The following LRFN2 variants were observed in gnomAD, a reference collection of about 807,000 sequenced individuals.
LRFN2 encodes leucine-rich repeat and fibronectin type-III domain-containing protein 2.
In LRFN2, 18 loss-of-function variants were observed where a neutral mutation model predicts 37.3. That is an observed-to-expected ratio of 0.48 (90% CI 0.33 to 0.72). LRFN2 has a LOEUF of 0.72. Among genes scored for constraint, LRFN2 ranks in the 30% least tolerant of loss-of-function variants. The pLI is 0.02. For missense variants in LRFN2, 1,006 were observed against 1,060.7 expected (o/e 0.95, Z 0.72); for synonymous variants, 556 against 466.6 (o/e 1.19, Z -2.47).
intron 1 of LRFN2, among the ~76,000 whole-genome samples, chr6:40,458,799 A>C (rs1326143455): frequency 6.6e-6 from 1 of 152,208 alleles, no homozygotes; most frequent in African/African-American, 2.4e-5. Flanking sequence ...CCAGCCACCC[A>C]GCCCCAACAA....
intron 1 of LRFN2, among the ~76,000 whole-genome samples, chr6:40,487,960 T>C (rs1469399518): frequency 6.6e-6 from 1 of 152,088 alleles, no homozygotes; most frequent in Non-Finnish European, 1.5e-5. Context: ...CTCTGGCTGG[T>C]GGGCAGGGTA....
intron 2 of LRFN2, among the ~76,000 whole-genome samples, chr6:40,431,399 C>T (rs1384734449): frequency 1.3e-5 from 2 of 152,172 alleles, no homozygotes; most frequent in East Asian, 3.8e-4. Context: ...TGTATATCCT[C>T]CAACTGGGCT....
chr6:40,514,474 C>G (rs528138268), intron 1 of LRFN2, among the ~76,000 whole-genome samples: 1 of 152,148 alleles, frequency 6.6e-6, no homozygotes, highest in South Asian at 2.1e-4. Flanking sequence ...ACCACCACAC[C>G]CAGCTAATTT....
At chr6:40,413,869 G>A (rs1022698662) in intron 2 of LRFN2, among the ~76,000 whole-genome samples, 9 of 152,324 alleles carry the variant, frequency 5.9e-5, no homozygotes, top group Middle Eastern at 6.8e-3. Context: ...GGTGGGTCTG[G>A]TTCAGTCTCC....
intron 1 of LRFN2, among the ~76,000 whole-genome samples, chr6:40,478,862 C>T (rs1409221647): frequency 4.6e-5 from 7 of 152,210 alleles, no homozygotes; most frequent in Non-Finnish European, 1.5e-5. Flanking sequence ...GTGGTTTTGG[C>T]TATCCAGCTG....
intron 1 of LRFN2, among the ~76,000 whole-genome samples, chr6:40,486,163 C>T (rs1022993292): frequency 6.6e-6 from 1 of 152,182 alleles, no homozygotes; most frequent in Non-Finnish European, 1.5e-5. Context: ...ATATGTAAGT[C>T]TAGAAGGCCC....
At chr6:40,467,880 T>C (rs1245852342) in intron 1 of LRFN2, among the ~76,000 whole-genome samples, 1 of 152,092 alleles carries the variant, frequency 6.6e-6, no homozygotes, top group Non-Finnish European at 1.5e-5. Context: ...GAGCCAAATA[T>C]GACTTCCTGT....
At chr6:40,550,595 G>A (rs1004111736) in intron 1 of LRFN2, among the ~76,000 whole-genome samples, 1 of 152,202 alleles carries the variant, frequency 6.6e-6, no homozygotes, top group Non-Finnish European at 1.5e-5. Flanking sequence ...ACTGCCAGAA[G>A]AAGGTACCGG....
chr6:40,403,972 A>C (rs1037487789), intron 2 of LRFN2, among the ~76,000 whole-genome samples: 1 of 152,088 alleles, frequency 6.6e-6, no homozygotes, highest in Non-Finnish European at 1.5e-5. Context: ...TGCCAAGGGG[A>C]ATCCTGCCTC....
intron 1 of LRFN2, among the ~76,000 whole-genome samples, chr6:40,462,028 G>A (rs1411998669): frequency 6.6e-6 from 1 of 152,132 alleles, no homozygotes; most frequent in Non-Finnish European, 1.5e-5. Context: ...GATTAAGTTT[G>A]AGCAAATGCA....
intron 1 of LRFN2, among the ~76,000 whole-genome samples, chr6:40,574,430 C>T (rs1767239036): frequency 6.6e-6 from 1 of 152,042 alleles, no homozygotes; most frequent in Admixed American, 6.5e-5. Flanking sequence ...TCTCACATAT[C>T]AACTGCTCAT....
intron 1 of LRFN2, among the ~76,000 whole-genome samples, chr6:40,500,548 C>T (rs78880613): frequency 1.3e-5 from 2 of 152,138 alleles, no homozygotes; most frequent in South Asian, 2.1e-4. Flanking sequence ...AAGCAGTGTA[C>T]AAGGAAATAA....
intron 2 of LRFN2, among the ~76,000 whole-genome samples, chr6:40,413,267 C>A (rs1386911843): frequency 6.6e-6 from 1 of 152,200 alleles, no homozygotes; most frequent in Non-Finnish European, 1.5e-5. Flanking sequence ...GGGTCAACAG[C>A]CCAGCTGTGA....
chr6:40,402,956 A>G (rs1448021630), intron 2 of LRFN2, among the ~76,000 whole-genome samples: 1 of 152,184 alleles, frequency 6.6e-6, no homozygotes, highest in East Asian at 1.9e-4. Context: ...GTGCCAGTGC[A>G]AAGGCCTTGA....
At chr6:40,491,079 G>C (rs556866923) in intron 1 of LRFN2, among the ~76,000 whole-genome samples, 1 of 152,160 alleles carries the variant, frequency 6.6e-6, no homozygotes, top group Admixed American at 6.5e-5. Flanking sequence ...TGGCGGTCAC[G>C]TAGGGTCTTG....
At chr6:40,524,916 C>A (rs1766205872) in intron 1 of LRFN2, among the ~76,000 whole-genome samples, 1 of 152,220 alleles carries the variant, frequency 6.6e-6, no homozygotes, top group Non-Finnish European at 1.5e-5. Flanking sequence ...TTAGAAAGAA[C>A]CACTAGGGCA....
At chr6:40,420,445 C>G (rs1195051326) in intron 2 of LRFN2, among the ~76,000 whole-genome samples, 1 of 152,236 alleles carries the variant, frequency 6.6e-6, no homozygotes, top group African/African-American at 2.4e-5. Flanking sequence ...GAAAAGAACA[C>G]TCACAGACAG....
chr6:40,545,790 A>T (rs1302258199), intron 1 of LRFN2, among the ~76,000 whole-genome samples: 2 of 152,142 alleles, frequency 1.3e-5, no homozygotes, highest in Admixed American at 6.5e-5. Flanking sequence ...GTCTCATGAG[A>T]TGAAAAGGTC....
chr6:40,394,857 T>C (rs1361816741), intron 2 of LRFN2, among the ~76,000 whole-genome samples: 3 of 152,182 alleles, frequency 2.0e-5, no homozygotes, highest in Non-Finnish European at 4.4e-5. Context: ...TCTTCTCTTG[T>C]CTGCCACCAG....
Sources: allele counts gnomAD v4.1 joint callset (sites outside exome capture counted in the v4.1 genomes callset), GRCh38; gene constraint gnomAD v4.1.1; transcripts MANE v1.5; gene names NCBI Gene and HGNC (gene_info 2026-07-23, HGNC 2026-07-21).